EXOC1L: variants seen among roughly 807,000 people sequenced by gnomAD.
EXOC1L encodes exocyst complex component 1-like.
In EXOC1L, 10 loss-of-function variants were observed where a neutral mutation model predicts 4.9. That is an observed-to-expected ratio of 2.02 (90% CI 1.25 to 3.43). The LOEUF is 3.43. Ranked by LOEUF, EXOC1L falls within the 30% of genes most tolerant of loss-of-function variation. The probability of loss-of-function intolerance (pLI) is 0.00; values close to 1 mark genes in which losing one functional copy is unlikely to be tolerated. For missense variants in EXOC1L, 114 were observed against 59.4 expected (o/e 1.92, Z -3.02); for synonymous variants, 41 against 20.8 (o/e 1.97, Z -2.63).
intron 2 of EXOC1L, among the ~76,000 whole-genome samples, chr4:55,834,593 G>A (rs1444139850): frequency 6.6e-6 from 1 of 151,836 alleles, no homozygotes; most frequent in Non-Finnish European, 1.5e-5. Context: ...TACCTGATGA[G>A]GAGCAAATGT....
intron 1 of EXOC1L, among the ~76,000 whole-genome samples, chr4:55,826,881 G>T (rs973675364): frequency 6.6e-6 from 1 of 152,176 alleles, no homozygotes; most frequent in Non-Finnish European, 1.5e-5. Flanking sequence ...TTTAAAGAAT[G>T]CTCTTTTACT....
At chr4:55,833,301 T>C (rs1371717642) in intron 2 of EXOC1L, among the ~76,000 whole-genome samples, 4 of 151,860 alleles carry the variant, frequency 2.6e-5, no homozygotes, top group African/African-American at 9.7e-5. Context: ...TTTTCTAAAA[T>C]ATTACATCAA....
intron 1 of EXOC1L, among the ~76,000 whole-genome samples, chr4:55,829,933 T>G (rs1328516832): frequency 2.6e-5 from 4 of 152,226 alleles, no homozygotes; most frequent in African/African-American, 9.6e-5. Flanking sequence ...CCCACATGTC[T>G]TAACATCAAC....
chr4:55,832,210 C>A (rs140495354), intron 2 of EXOC1L, among the ~76,000 whole-genome samples: 4 of 151,934 alleles, frequency 2.6e-5, no homozygotes, highest in Admixed American at 2.0e-4. Flanking sequence ...TCCCTCTAGA[C>A]GGAAAGCTCC....
chr4:55,831,466 T>C lies in EXOC1L; in HGVS notation c.252+2T>C. 2.9e-6 allele frequency: 2 copies of C among 682,276 alleles called. No individual in the cohort carries two copies. The highest frequency in any genetic ancestry group is 3.2e-5 in the South Asian group (2 of 63,038). The allele number at this position is 682,276 out of a possible 1,614,324, so 42.3% of individuals were successfully genotyped here. ...ATTGATGGAAAAGAAGCAGATACTG[T>C]AAGTGTTACATTTTATAAGGAGATG... On this transcript the variant is annotated splice_donor_variant, in intron 2 of 2. Coordinates refer to ENST00000636125, the MANE Select transcript of EXOC1L (RefSeq NM_001351574.3). LOFTEE classifies it high-confidence loss of function.
chr4:55,823,536 A>T (rs991965500), intron 1 of EXOC1L, among the ~76,000 whole-genome samples: 7 of 152,214 alleles, frequency 4.6e-5, no homozygotes, highest in East Asian at 1.9e-4. Context: ...GTTTTAAAAA[A>T]TTTTCATATA....
chr4:55,827,632 T>C (rs189330865), intron 1 of EXOC1L, among the ~76,000 whole-genome samples: 228 of 152,312 alleles, frequency 1.5e-3, no homozygotes, highest in African/African-American at 5.4e-3. Context: ...TTTCATAACA[T>C]GTAGATGAGG....
chr4:55,824,807 C>T (rs763457783), intron 1 of EXOC1L, among the ~76,000 whole-genome samples: 6 of 152,146 alleles, frequency 3.9e-5, no homozygotes, highest in Admixed American at 1.3e-4. Context: ...TCTAAAAGGG[C>T]CGGTAGCTTG....
At chr4:55,830,117 C>A (rs1719987202) in intron 1 of EXOC1L, among the ~76,000 whole-genome samples, 1 of 152,184 alleles carries the variant, frequency 6.6e-6, no homozygotes, top group South Asian at 2.1e-4. Flanking sequence ...CTTAACTACT[C>A]CGATCCTTTC....
intron 2 of EXOC1L, among the ~76,000 whole-genome samples, chr4:55,833,940 A>G (rs1054391473): frequency 2.6e-5 from 4 of 151,962 alleles, no homozygotes; most frequent in Non-Finnish European, 5.9e-5. Flanking sequence ...CATAATATCT[A>G]AAGAGTAGTT....
At chr4:55,831,290 G>A (rs1189526040) in intron 1 of EXOC1L, 44 bp from the exon 2 acceptor site, 2 of 518,564 alleles carry the variant, frequency 3.9e-6, no homozygotes, top group Non-Finnish European at 6.8e-6. Context: ...TAATTTATTA[G>A]CTTCTAAGAA....
At chr4:55,830,616 A>G (rs1720005913) in intron 1 of EXOC1L, among the ~76,000 whole-genome samples, 1 of 152,176 alleles carries the variant, frequency 6.6e-6, no homozygotes, top group Non-Finnish European at 1.5e-5. Context: ...TGATTTTAAG[A>G]CAAAAAAAGC....
At position 55,837,412 on chromosome 4, in the gene EXOC1L, A is replaced by G. The variant is rs1720200052; in HGVS notation, c.*61A>G. ...AAAATGGTTTCCCAAGTAAATATTG[A>G]TTGTCATAATTTTGTTTTTCCTTCA... On this transcript the variant is annotated 3_prime_UTR_variant, in exon 3 of 3. Coordinates refer to ENST00000636125, the MANE Select transcript of EXOC1L (RefSeq NM_001351574.3). 1 of 433,106 alleles carries G rather than the reference A, an allele frequency of 2.3e-6. No individual in the cohort carries two copies. Among genetic ancestry groups the G allele is most frequent in the African/African-American group, 2.0e-5 (1 of 49,478 alleles). The allele number at this position is 433,106 out of a possible 1,614,324, so 26.8% of individuals were successfully genotyped here. A position where few individuals can be genotyped will look rare whatever the true frequency, so the allele number is the denominator to read the frequency against.
chr4:55,829,687 T>C (rs1719973724), intron 1 of EXOC1L, among the ~76,000 whole-genome samples: 1 of 152,180 alleles, frequency 6.6e-6, no homozygotes, highest in African/African-American at 2.4e-5. Context: ...CTGAGCTCTG[T>C]CATCAACTCT....
At chr4:55,829,529 T>C (rs1719969878) in intron 1 of EXOC1L, among the ~76,000 whole-genome samples, 1 of 152,188 alleles carries the variant, frequency 6.6e-6, no homozygotes, top group Non-Finnish European at 1.5e-5. Context: ...AAAATTCTTC[T>C]TTAATAGAGT....
chr4:55,823,425 T>C (rs1433145659), intron 1 of EXOC1L, among the ~76,000 whole-genome samples: 2 of 152,208 alleles, frequency 1.3e-5, no homozygotes, highest in Non-Finnish European at 1.5e-5. Context: ...TTTCAGGAGA[T>C]GATAGTATTG....
intron 1 of EXOC1L, among the ~76,000 whole-genome samples, chr4:55,824,073 AAT>A (rs1184408330): frequency 1.3e-5 from 2 of 152,132 alleles, no homozygotes; most frequent in East Asian, 1.9e-4. Flanking sequence ...TATATCATAA[AAT>A]TCCCAAAACT....
chr4:55,819,916 G>C lies in EXOC1L; in HGVS notation c.-111G>C. 2 of 393,358 alleles carry C rather than the reference G, an allele frequency of 5.1e-6. No individual in the cohort carries two copies. Among genetic ancestry groups the C allele is most frequent in the Non-Finnish European group, 9.0e-6 (2 of 223,130 alleles). 24.4% of individuals were successfully genotyped at this position (393,358 alleles called of 1,614,324 possible). A position where few individuals can be genotyped will look rare whatever the true frequency, so the allele number is the denominator to read the frequency against. ...AAGTTAAGAGAGGGAGGGCTGAGAG[G>C]TGGGCAGGACTCACCAAGGAGCTGC... is the stretch of plus-strand genomic sequence containing the variant. On this transcript the variant is annotated 5_prime_UTR_variant, in exon 1 of 3. Transcript: ENST00000636125.
At chr4:55,820,215 A>AT (rs57910283) in intron 1 of EXOC1L, 68 bp downstream of exon 1, 15,012 of 308,888 alleles carry the variant, frequency 0.049, 92 homozygotes, top group African/African-American at 0.07. Context: ...GATAGAGGGA[A>AT]TTTTTTTTTT....
Sources: gnomAD v4.1 joint callset for allele counts (sites outside exome capture counted in the v4.1 genomes callset) on GRCh38, gnomAD v4.1.1 for gene constraint, MANE v1.5 for transcripts, NCBI Gene and HGNC (gene_info 2026-07-23, HGNC 2026-07-21) for gene names.